The following PEX7 variants were observed in gnomAD, a reference collection of about 807,000 sequenced individuals.
PEX7 encodes PTS2 receptor.
Under a neutral mutation model 47.5 loss-of-function variants are expected in PEX7, and 34 were observed. That is an observed-to-expected ratio of 0.72 (90% CI 0.54 to 0.95). The LOEUF (loss-of-function observed/expected upper bound fraction) is 0.95. Among genes scored for constraint, PEX7 ranks in the 40% least tolerant of loss-of-function variants. PEX7 has a pLI of 0.00. For missense variants in PEX7, 394 were observed against 400.3 expected, an observed-to-expected ratio of 0.98 and a Z score of 0.13; for synonymous variants, 141 against 148.8, an observed-to-expected ratio of 0.95 and a Z score of 0.38.
At position 136,830,078 on chromosome 6, in the gene PEX7, T is replaced by C. The variant is rs934480982; in HGVS notation, c.339+3609T>C. On this transcript the variant is annotated intron_variant, in intron 3 of 9. Transcript: ENST00000318471. ...TCATTTTCTTCTGTGGAAGAGAGTA[T>C]ATAATAAAGACGTATAGCATGGTTT... 6 of 710,238 alleles carry C rather than the reference T, an allele frequency of 8.4e-6. No homozygotes were observed. The African/African-American group carries it at 1.1e-4, about 13-fold the overall frequency. The allele number at this position is 710,238 out of a possible 1,614,324, so 44.0% of individuals were successfully genotyped here.
At chr6:136,873,259 G>C (rs1775212707) in intron 8 of PEX7, among the ~76,000 whole-genome samples, 2 of 152,206 alleles carry the variant, frequency 1.3e-5, no homozygotes, top group South Asian at 4.2e-4. Context: ...CCATTGTGTG[G>C]ATGTGCTATA....
chr6:136,874,404 G>T (rs1775231746), intron 8 of PEX7, among the ~76,000 whole-genome samples: 1 of 152,158 alleles, frequency 6.6e-6, no homozygotes, highest in Admixed American at 6.5e-5. Context: ...GGACACAGTG[G>T]CTCATGCCTG....
chr6:136,898,652 A>T (rs1775694567), intron 9 of PEX7, among the ~76,000 whole-genome samples: 1 of 152,068 alleles, frequency 6.6e-6, no homozygotes, highest in African/African-American at 2.4e-5. Context: ...CAAGACTGTC[A>T]CCCTTGTCTT....
chr6:136,853,771 T>C (rs1369621364), intron 5 of PEX7, among the ~76,000 whole-genome samples: 1 of 152,182 alleles, frequency 6.6e-6, no homozygotes, highest in African/African-American at 2.4e-5. Flanking sequence ...TAATAATGAA[T>C]ACTAGTAATG....
At chr6:136,887,428 A>G (rs1297789405) in intron 8 of PEX7, among the ~76,000 whole-genome samples, 1 of 152,142 alleles carries the variant, frequency 6.6e-6, no homozygotes, top group Non-Finnish European at 1.5e-5. Context: ...GGCACTCAGA[A>G]TTTTATTTTT....
chr6:136,850,709 A>T (rs1774726983), intron 5 of PEX7, among the ~76,000 whole-genome samples: 1 of 152,206 alleles, frequency 6.6e-6, no homozygotes, highest in African/African-American at 2.4e-5. Context: ...ACTGTTTCAG[A>T]ACCTGTGAGA....
intron 9 of PEX7, 78 bp downstream of exon 9, chr6:136,898,319 A>C (rs1429207239): frequency 2.2e-6 from 2 of 898,134 alleles, no homozygotes; most frequent in African/African-American, 3.3e-5. Flanking sequence ...TGCTTTTATG[A>C]ATAAAATTGT....
At chr6:136,873,232 T>C (rs768979999) in intron 8 of PEX7, among the ~76,000 whole-genome samples, 22 of 152,304 alleles carry the variant, frequency 1.4e-4, no homozygotes, top group Non-Finnish European at 2.6e-4. Flanking sequence ...GAGATCATTC[T>C]CATTCTGCAT....
chr6:136,842,002 CT>C (rs1201074060), intron 3 of PEX7, among the ~76,000 whole-genome samples: 230 of 139,656 alleles, frequency 1.6e-3, no homozygotes, highest in Admixed American at 2.0e-3. Flanking sequence ...TTTTCTTTTT[CT>C]TTTTTTTTTT....
intron 7 of PEX7, chr6:136,870,641 T>TA (rs1775161584): frequency 4.1e-6 from 1 of 245,828 alleles, no homozygotes; most frequent in Non-Finnish European, 8.2e-6. Flanking sequence ...ACGTTAAGGA[T>TA]AAAAAAGTAC....
At chr6:136,877,752 C>T (rs1775301408) in intron 8 of PEX7, among the ~76,000 whole-genome samples, 1 of 152,026 alleles carries the variant, frequency 6.6e-6, no homozygotes, top group Non-Finnish European at 1.5e-5. Flanking sequence ...TAGTGTGATG[C>T]CTCCAGCTTT....
At chr6:136,882,223 G>A (rs1775389635) in intron 8 of PEX7, among the ~76,000 whole-genome samples, 1 of 142,222 alleles carries the variant, frequency 7.0e-6, no homozygotes, top group East Asian at 2.0e-4. Flanking sequence ...TGTCACCCAG[G>A]CTGCAGTGCA....
At chr6:136,878,715 CAAAT>C (rs910438473) in intron 8 of PEX7, among the ~76,000 whole-genome samples, 3 of 152,064 alleles carry the variant, frequency 2.0e-5, no homozygotes, top group African/African-American at 7.2e-5. Context: ...GCTTAGTGAA[CAAAT>C]AGTCTTTTTA....
chr6:136,906,185 C>T (rs911909027), intron 9 of PEX7, among the ~76,000 whole-genome samples: 1 of 152,108 alleles, frequency 6.6e-6, no homozygotes, highest in African/African-American at 2.4e-5. Context: ...TGAGAACTGC[C>T]ACCATCACCA....
chr6:136,822,604 G>C lies in PEX7; in HGVS notation c.-62G>C. 1 of 1,449,528 alleles carries C rather than the reference G, an allele frequency of 6.9e-7. No individual in the cohort carries two copies. The highest frequency in any genetic ancestry group is 2.0e-5 in the Admixed American group (1 of 50,414). The allele number at this position is 1,449,528 out of a possible 1,614,324, so 89.8% of individuals were successfully genotyped here. A position where few individuals can be genotyped will look rare whatever the true frequency, so the allele number is the denominator to read the frequency against. ...GCCTGGTCTCTCTAACCGCGCCAGT[G>C]TGCCTCCGACTCGGAACGGCTTCCG... On this transcript the variant is annotated 5_prime_UTR_variant, in exon 1 of 10. Transcript: ENST00000318471.
intron 8 of PEX7, among the ~76,000 whole-genome samples, chr6:136,884,180 A>G (rs1775427155): frequency 6.6e-6 from 1 of 152,160 alleles, no homozygotes; most frequent in African/African-American, 2.4e-5. Context: ...TAATCGTTCT[A>G]ATGCCTGTGT....
chr6:136,878,211 C>T lies in PEX7; in HGVS notation c.803+5958C>T, dbSNP rs143931534. ...AGCTTAAGGAGATTCTGGGCTGAGA[C>T]GATGGGGCTTTCTAAGTATACAATC... is the stretch of plus-strand genomic sequence containing the variant. On this transcript the variant is annotated intron_variant, in intron 8 of 9. Coordinates refer to ENST00000318471, the MANE Select transcript of PEX7 (RefSeq NM_000288.4). 7.4e-3 allele frequency among the ~76,000 whole-genome samples: 1,134 copies of T among 152,264 alleles called. 4 individuals carry two copies. The highest frequency in any genetic ancestry group is 0.012 in the Non-Finnish European group (792 of 68,016).
intron 8 of PEX7, among the ~76,000 whole-genome samples, chr6:136,882,387 A>G (rs1229870691): frequency 1.3e-5 from 2 of 151,834 alleles, no homozygotes; most frequent in African/African-American, 4.8e-5. Flanking sequence ...CATGTTGGCC[A>G]GGCTGGTCTC....
intron 5 of PEX7, among the ~76,000 whole-genome samples, chr6:136,865,030 A>G (rs1340052575): frequency 1.3e-5 from 2 of 152,190 alleles, no homozygotes; most frequent in African/African-American, 4.8e-5. Context: ...TCATCTTGTC[A>G]TCTTTTGTTT....
Sources: gnomAD v4.1 joint callset for allele counts (sites outside exome capture counted in the v4.1 genomes callset) on GRCh38, gnomAD v4.1.1 for gene constraint, MANE v1.5 for transcripts, NCBI Gene and HGNC (gene_info 2026-07-23, HGNC 2026-07-21) for gene names.